The following MELK variants were observed in gnomAD, a reference collection of about 807,000 sequenced individuals.
MELK encodes the protein pEg3 kinase.
Under a neutral mutation model 85.0 loss-of-function variants are expected in MELK, and 81 were observed. The observed-to-expected ratio is 0.95, with a 90% CI of 0.80 to 1.15. The LOEUF is 1.15. Ranked by LOEUF, MELK falls within the 50% of genes most tolerant of loss-of-function variation. The probability of loss-of-function intolerance (pLI) is 0.00; values close to 1 mark genes in which losing one functional copy is unlikely to be tolerated. For synonymous variants in MELK, 252 were observed against 265.0 expected (o/e 0.95, Z 0.48); for missense variants, 754 against 777.5 (o/e 0.97, Z 0.36).
At chr9:36,587,671 A>T (rs139804531) in intron 3 of MELK, among the ~76,000 whole-genome samples, 1 of 150,316 alleles carries the variant, frequency 6.7e-6, no homozygotes, top group African/African-American at 2.5e-5. Flanking sequence ...CTGGAGTGCA[A>T]TGGCAACCTC....
intron 3 of MELK, 81 bp downstream of exon 3, chr9:36,583,793 G>T: frequency 1.1e-6 from 1 of 934,918 alleles, no homozygotes. Flanking sequence ...TAATGTTCTA[G>T]TTACTGCTCT....
intron 10 of MELK, among the ~76,000 whole-genome samples, chr9:36,635,187 A>G (rs908130864): frequency 4.6e-5 from 7 of 152,204 alleles, no homozygotes; most frequent in Non-Finnish European, 7.3e-5. Context: ...TATATGACAA[A>G]GAATACAATA....
intron 10 of MELK, among the ~76,000 whole-genome samples, chr9:36,634,274 A>G (rs767059564): frequency 2.0e-5 from 3 of 152,350 alleles, no homozygotes; most frequent in South Asian, 2.1e-4. Context: ...CTAAAATTCT[A>G]TCATTGACAA....
At chr9:36,599,634 C>A (rs1824704574) in intron 7 of MELK, 148 bp downstream of exon 7, 2 of 546,880 alleles carry the variant, frequency 3.7e-6, no homozygotes, top group Non-Finnish European at 6.5e-6. Context: ...GAGAGTGAGA[C>A]ATGATTACTT....
At chr9:36,672,318 G>A (rs528324882) in intron 16 of MELK, among the ~76,000 whole-genome samples, 14 of 152,048 alleles carry the variant, frequency 9.2e-5, no homozygotes, top group Middle Eastern at 3.4e-3. Flanking sequence ...TTCAAGCACC[G>A]ACACTGAGAT....
Position 36,654,817 on chromosome 9 carries a change from A to G in MELK, c.1054-2424A>G, listed in dbSNP as rs544379525. On this transcript the variant is annotated intron_variant, in intron 12 of 17. Coordinates refer to ENST00000298048, the MANE Select transcript of MELK (RefSeq NM_014791.4). Reference sequence around the variant, plus strand: ...TTTGCAAAGTCATATTATTGAATCAATTTTATGGCAGATCAAGAGACATTT... The same window carrying G: ...TTTGCAAAGTCATATTATTGAATCAGTTTTATGGCAGATCAAGAGACATTT... 4.6e-5 allele frequency among the ~76,000 whole-genome samples: 7 copies of G among 152,348 alleles called. No homozygotes were observed. In the South Asian group the frequency reaches 1.0e-3, roughly 23 times the overall value.
chr9:36,579,828 A>T (rs1164473111), intron 1 of MELK, among the ~76,000 whole-genome samples: 2 of 152,168 alleles, frequency 1.3e-5, no homozygotes, highest in African/African-American at 4.8e-5. Context: ...TTAATTTTAA[A>T]ACTCAGGGAG....
intron 7 of MELK, among the ~76,000 whole-genome samples, chr9:36,603,052 C>A (rs2135694241): frequency 6.6e-6 from 1 of 152,256 alleles, no homozygotes; most frequent in African/African-American, 2.4e-5. Context: ...TGCCTGATCT[C>A]ACAAGATTCC....
At chr9:36,595,268 T>C (rs1031761142) in intron 5 of MELK, among the ~76,000 whole-genome samples, 7 of 152,024 alleles carry the variant, frequency 4.6e-5, no homozygotes, top group Non-Finnish European at 8.8e-5. Flanking sequence ...CCCGAGTGGC[T>C]GGGACTACAG....
At chr9:36,658,312 C>A (rs1587594869) in intron 13 of MELK, among the ~76,000 whole-genome samples, 1 of 152,086 alleles carries the variant, frequency 6.6e-6, no homozygotes, top group East Asian at 1.9e-4. Flanking sequence ...TACACTGAGG[C>A]CCTGTTCATT....
Position 36,616,387 on chromosome 9 carries a change from C to CTTTTTTTTTTTTTT in MELK, c.666+8721_666+8734dup, listed in dbSNP as rs60212848. Among the ~76,000 whole-genome samples, 147 of 114,624 alleles carry CTTTTTTTTTTTTTT rather than the reference C, an allele frequency of 1.3e-3. 9 individuals carry two copies. The highest frequency in any genetic ancestry group is 3.6e-3 in the African/African-American group (109 of 30,170). 75.2% of individuals were successfully genotyped at this position (114,624 alleles called of 152,430 possible). ...TTAAAGGTATCTAGCATGTCAAACT[C>CTTTTTTTTTTTTTT]TTTTTTTTTTTTTTTTTTTTAAGGC... On this transcript the variant is annotated intron_variant, in intron 8 of 17. Coordinates refer to ENST00000298048, the MANE Select transcript of MELK (RefSeq NM_014791.4).
At chr9:36,657,186 A>G (rs1654495099) in intron 12 of MELK, 55 bp from the exon 13 acceptor site, 1 of 1,546,612 alleles carries the variant, frequency 6.5e-7, no homozygotes, top group African/African-American at 1.4e-5. Flanking sequence ...ACTGTATTTT[A>G]AATATTGAAT....
intron 12 of MELK, among the ~76,000 whole-genome samples, 165 bp downstream of exon 12, chr9:36,652,042 ATTTT>A (rs11465173): frequency 5.0e-4 from 46 of 91,396 alleles, no homozygotes; most frequent in South Asian, 2.9e-3. Flanking sequence ...TTGAACTCTA[ATTTT>A]TTTTTTTTTT....
intron 7 of MELK, among the ~76,000 whole-genome samples, chr9:36,606,533 ATAAT>A (rs1324318866): frequency 1.5e-5 from 2 of 135,008 alleles, no homozygotes; most frequent in Non-Finnish European, 3.2e-5. Flanking sequence ...TATATAATAT[ATAAT>A]ATATACATAT....
chr9:36,619,472 T>C (rs1564170588), intron 8 of MELK, among the ~76,000 whole-genome samples: 1 of 152,194 alleles, frequency 6.6e-6, no homozygotes, highest in Non-Finnish European at 1.5e-5. Context: ...CCATACTTAC[T>C]TCTTGGTTAT....
rs1168291678 is a variant in MELK at position 36,651,726 on chromosome 9, T to C, written c.922-20T>C. 19 of 1,605,436 alleles carry C rather than the reference T, an allele frequency of 1.2e-5. No homozygotes were observed. The highest frequency in any genetic ancestry group is 1.5e-5 in the Non-Finnish European group (18 of 1,175,668). On this transcript the variant is annotated intron_variant, in intron 11 of 17. Transcript: ENST00000298048. ...ACAAACAAGTAATCTTCTAACCAACTTGATTTTCTTTTCCTTTAGTGGCAG... is the reference window on the plus strand; with the variant it reads ...ACAAACAAGTAATCTTCTAACCAACCTGATTTTCTTTTCCTTTAGTGGCAG...
At chr9:36,575,594 A>T (rs1232148891) in intron 1 of MELK, among the ~76,000 whole-genome samples, 1 of 152,148 alleles carries the variant, frequency 6.6e-6, no homozygotes, top group African/African-American at 2.4e-5. Context: ...GATAGAGAAA[A>T]TGGAAGAAAG....
At position 36,658,299 on chromosome 9, in the gene MELK, C is replaced by CAGT. The variant is rs558410346; in HGVS notation, c.1176+938_1176+940dup. Among the ~76,000 whole-genome samples, 706 of 152,222 alleles carry CAGT rather than the reference C, an allele frequency of 4.6e-3. 4 individuals carry two copies. Among genetic ancestry groups the CAGT allele is most frequent in the Non-Finnish European group, 7.7e-3 (526 of 68,022 alleles). Reference sequence around the variant, plus strand: ...TATTGGCACACTTGATGGTGCCCTACAGTACACTGAGGCCCTGTTCATTTT... The same window carrying CAGT: ...TATTGGCACACTTGATGGTGCCCTACAGTAGTACACTGAGGCCCTGTTCATTTT... On this transcript the variant is annotated intron_variant, in intron 13 of 17. Transcript: ENST00000298048.
intron 8 of MELK, 89 bp downstream of exon 8, chr9:36,607,762 AT>A: frequency 1.1e-6 from 1 of 945,380 alleles, no homozygotes; most frequent in Non-Finnish European, 1.7e-6. Context: ...AAAAACAGGC[AT>A]AAAAGTTATT....
Sources: allele counts gnomAD v4.1 joint callset (sites outside exome capture counted in the v4.1 genomes callset), GRCh38; gene constraint gnomAD v4.1.1; transcripts MANE v1.5; gene names NCBI Gene and HGNC (gene_info 2026-07-23, HGNC 2026-07-21).